Variants in CCDC18 observed in about 807,000 individuals in gnomAD.
The protein encoded by CCDC18 is coiled-coil domain-containing protein 18.
CCDC18 carries 157 observed loss-of-function variants against 196.0 expected under a neutral mutation model. The observed-to-expected ratio is 0.80, with a 90% CI of 0.70 to 0.91. CCDC18 has a LOEUF of 0.91. CCDC18 is among the 40% of genes least tolerant of loss of function. CCDC18 has a pLI of 0.00. For synonymous variants in CCDC18, 482 were observed against 529.2 expected (o/e 0.91, Z 1.22); for missense variants, 1,465 against 1,611.6 (o/e 0.91, Z 1.56).
intron 9 of CCDC18, 99 bp from the exon 10 acceptor site, chr1:93,210,703 C>A: frequency 2.6e-6 from 2 of 769,942 alleles, no homozygotes; most frequent in Non-Finnish European, 4.1e-6. Flanking sequence ...AAGTTGTTTC[C>A]ATTAAATTCA....
intron 24 of CCDC18, among the ~76,000 whole-genome samples, chr1:93,255,284 G>T (rs1662808448): frequency 6.6e-6 from 1 of 151,854 alleles, no homozygotes; most frequent in Non-Finnish European, 1.5e-5. Context: ...ACAGTGTTTT[G>T]TCTGTTAGGA....
intron 23 of CCDC18, 145 bp from the exon 24 acceptor site, chr1:93,254,326 C>G (rs1662657593): frequency 3.5e-6 from 2 of 574,242 alleles, no homozygotes; most frequent in African/African-American, 1.9e-5. Flanking sequence ...AATTTTTGTG[C>G]TTATTTCCAG....
rs570131147 is a variant in CCDC18, at chr1:93,264,786, T to G, written c.3770T>G (p.Leu1257Ter). Residue 1257 changes from leucine to a stop codon, truncating the protein, a stop_gained, in exon 27 of 29, where the codon TTA becomes TGA. Transcript: ENST00000690025. LOFTEE classifies it high-confidence loss of function. ...TCTGTTCAGCAACTAAACGAACAGT[T>G]AGAGAAGGCAAAATTGGAATTAGAA... ...KSSVQQLNEQLEKAKLELEEA... is the reference protein window; with the variant it reads ...KSSVQQLNEQ 3 of 1,613,200 alleles carry G rather than the reference T, an allele frequency of 1.9e-6. No homozygotes were observed. The highest frequency in any genetic ancestry group is 1.7e-6 in the Non-Finnish European group (2 of 1,179,324).
chr1:93,249,766 G>A (rs1444422236), intron 23 of CCDC18, among the ~76,000 whole-genome samples: 1 of 152,088 alleles, frequency 6.6e-6, no homozygotes, highest in African/African-American at 2.4e-5. Flanking sequence ...TCAGTAATAT[G>A]TCCAATAATA....
intron 24 of CCDC18, among the ~76,000 whole-genome samples, chr1:93,255,760 A>G (rs111765601): frequency 4.1e-3 from 407 of 99,430 alleles, no homozygotes; most frequent in African/African-American, 0.024. Context: ...AAGAAGAGGA[A>G]GAAGAGGAGG....
At chr1:93,276,074 T>G (rs1665605411) in intron 28 of CCDC18, among the ~76,000 whole-genome samples, 1 of 152,208 alleles carries the variant, frequency 6.6e-6, no homozygotes, top group Admixed American at 6.5e-5. Context: ...GGCGCCATTG[T>G]TGGGCTGTGC....
intron 19 of CCDC18, among the ~76,000 whole-genome samples, chr1:93,238,865 C>G (rs1285868074): frequency 6.6e-6 from 1 of 151,960 alleles, no homozygotes; most frequent in Non-Finnish European, 1.5e-5. Flanking sequence ...CCTTTTAAAG[C>G]TAAAAAAAGG....
In CCDC18 at chr1:93,252,049, TTAAC is replaced by T. The variant is rs774224976; in HGVS notation, c.3199-2413_3199-2410del. On this transcript the variant is annotated intron_variant, in intron 23 of 28. Transcript: ENST00000690025. ...TCTATCTATCTATCTATCAAACTAA[TTAAC>T]TAACTAACATGGGGTCTTTGTTACC... Among the ~76,000 whole-genome samples, 73 of 137,736 alleles carry T rather than the reference TTAAC, an allele frequency of 5.3e-4. 1 individual carries two copies. Among genetic ancestry groups the T allele is most frequent in the African/African-American group, 1.7e-3 (59 of 34,980 alleles). The allele number at this position is 137,736 out of a possible 152,430, so 90.4% of individuals were successfully genotyped here. A position where few individuals can be genotyped will look rare whatever the true frequency, so the allele number is the denominator to read the frequency against.
rs768468548 is a variant in CCDC18, at chr1:93,184,011, T to TA, written c.170dup (p.Asn57LysfsTer6). ...CAAGTGAAAATTCTGATTATGCCCC[T>TA]AATCCTTCAAGGTCTGAAAAGCTAA... On this transcript the variant is annotated frameshift_variant, in exon 3 of 29. Transcript: ENST00000690025. LOFTEE classifies it high-confidence loss of function. 20 of 1,564,890 alleles carry TA rather than the reference T, an allele frequency of 1.3e-5. No homozygotes were observed. Among genetic ancestry groups the TA allele is most frequent in the Non-Finnish European group, 1.7e-6 (2 of 1,150,650 alleles).
chr1:93,248,381 A>C (rs958228760), intron 23 of CCDC18, among the ~76,000 whole-genome samples: 1 of 152,006 alleles, frequency 6.6e-6, no homozygotes, highest in African/African-American at 2.4e-5. Context: ...ATTTTATCTG[A>C]TGCTTTTCAA....
chr1:93,220,409 T>A (rs1374381990), intron 14 of CCDC18, among the ~76,000 whole-genome samples: 1 of 151,966 alleles, frequency 6.6e-6, no homozygotes, highest in Non-Finnish European at 1.5e-5. Flanking sequence ...GGAAAAAAAA[T>A]ACCTGAGAGA....
intron 27 of CCDC18, among the ~76,000 whole-genome samples, chr1:93,268,569 A>C (rs1298756423): frequency 7.8e-6 from 1 of 127,942 alleles, no homozygotes; most frequent in Admixed American, 7.5e-5. Context: ...CAAAGAACTT[A>C]AACAAATTTA....
At chr1:93,259,800 C>A (rs1467079936) in intron 26 of CCDC18, among the ~76,000 whole-genome samples, 2 of 152,188 alleles carry the variant, frequency 1.3e-5, no homozygotes, top group African/African-American at 2.4e-5. Context: ...AACAGCTCAG[C>A]TTAGTAACTA....
At chr1:93,245,903 G>A (rs1387077942) in intron 21 of CCDC18, among the ~76,000 whole-genome samples, 2 of 151,968 alleles carry the variant, frequency 1.3e-5, no homozygotes, top group Non-Finnish European at 2.9e-5. Context: ...TACCCTTTTA[G>A]AATACCCTTT....
Position 93,193,542 on chromosome 1 carries a change from T to C in CCDC18, c.570-74T>C, listed in dbSNP as rs1010548277. 5.2e-6 allele frequency: 5 copies of C among 955,772 alleles called. No homozygotes were observed. The African/African-American group carries it at 8.7e-5, about 17-fold the overall frequency. The allele number at this position is 955,772 out of a possible 1,614,324, so 59.2% of individuals were successfully genotyped here. On this transcript the variant is annotated intron_variant, in intron 5 of 28. Transcript: ENST00000690025. ...CATTGATTTAAACAAATATAATTCC[T>C]AATATTAAATTATTCTTGCATACCT...
chr1:93,261,807 A>C (rs1663833534), intron 26 of CCDC18, among the ~76,000 whole-genome samples: 1 of 152,198 alleles, frequency 6.6e-6, no homozygotes, highest in African/African-American at 2.4e-5. Context: ...TAATTATTCT[A>C]TATTCAATAA....
chr1:93,191,129 A>G, intron 4 of CCDC18: 1 of 518,266 alleles, frequency 1.9e-6, no homozygotes, highest in Non-Finnish European at 3.5e-6. Context: ...TCTCCAGCAA[A>G]GAATCCTTTA....
At chr1:93,235,882 A>T (rs1660005561) in intron 18 of CCDC18, among the ~76,000 whole-genome samples, 2 of 152,172 alleles carry the variant, frequency 1.3e-5, no homozygotes, top group African/African-American at 4.8e-5. Flanking sequence ...TTAGCATTTG[A>T]GGTCATGTGG....
intron 16 of CCDC18, among the ~76,000 whole-genome samples, chr1:93,225,285 C>T (rs946730221): frequency 1.3e-5 from 2 of 152,112 alleles, no homozygotes; most frequent in African/African-American, 4.8e-5. Context: ...GCAATATGTG[C>T]GCCTTGAACG....
Sources: allele counts gnomAD v4.1 joint callset (sites outside exome capture counted in the v4.1 genomes callset), GRCh38; gene constraint gnomAD v4.1.1; transcripts MANE v1.5; gene names NCBI Gene and HGNC (gene_info 2026-07-23, HGNC 2026-07-21).